ZMYM2: variants seen among roughly 807,000 people sequenced by gnomAD.
ZMYM2 encodes zinc finger MYM-type protein 2.
A neutral mutation model predicts 162.8 loss-of-function variants in ZMYM2; 56 were observed. The observed-to-expected ratio is 0.34, with a 90% CI of 0.28 to 0.43. The LOEUF is 0.43. Among genes scored for constraint, ZMYM2 ranks in the 20% least tolerant of loss-of-function variants. The pLI is 1.00. For missense variants in ZMYM2, 1,275 were observed against 1,621.8 expected, an observed-to-expected ratio of 0.79 and a Z score of 3.67; for synonymous variants, 510 against 541.6, an observed-to-expected ratio of 0.94 and a Z score of 0.81.
intron 2 of ZMYM2, among the ~76,000 whole-genome samples, chr13:19,982,750 T>G (rs145683769): frequency 6.6e-6 from 1 of 152,352 alleles, no homozygotes; most frequent in East Asian, 1.9e-4. Flanking sequence ...GAATGTTAAC[T>G]GCAGTTTCAT....
At chr13:19,999,847 GA>G (rs2139852991) in intron 3 of ZMYM2, among the ~76,000 whole-genome samples, 1 of 152,294 alleles carries the variant, frequency 6.6e-6, no homozygotes, top group Non-Finnish European at 1.5e-5. Flanking sequence ...ACCCAGTCTG[GA>G]GTGCAGTGGT....
chr13:19,895,698 C>T, the ZMYM2 span, among the ~76,000 whole-genome samples: 1 of 151,788 alleles, frequency 6.6e-6, no homozygotes, highest in Non-Finnish European at 1.5e-5. Context: ...TTAAAGGCCC[C>T]ACCTCTCAAT....
chr13:19,924,890 T>G, the ZMYM2 span, among the ~76,000 whole-genome samples: 3 of 151,720 alleles, frequency 2.0e-5, no homozygotes, highest in Middle Eastern at 3.4e-3. Context: ...TTTTTTTTTT[T>G]TTTTTGTTTT....
the ZMYM2 span, among the ~76,000 whole-genome samples, chr13:19,907,834 T>C: frequency 7.0e-6 from 1 of 143,660 alleles, no homozygotes; most frequent in African/African-American, 2.6e-5. Context: ...GAAAAAAAGG[T>C]AAAGTCTATT....
intron 2 of ZMYM2, among the ~76,000 whole-genome samples, chr13:19,978,914 G>A (rs1379251003): frequency 2.0e-5 from 3 of 151,970 alleles, no homozygotes; most frequent in Non-Finnish European, 2.9e-5. Context: ...ATTTCATGTC[G>A]GGCAGGTCTG....
At chr13:19,884,739 G>A in the ZMYM2 span, among the ~76,000 whole-genome samples, 1 of 151,966 alleles carries the variant, frequency 6.6e-6, no homozygotes, top group African/African-American at 2.4e-5. Flanking sequence ...ACAAACTCTC[G>A]CGATAAATGT....
chr13:19,917,186 T>C, the ZMYM2 span, among the ~76,000 whole-genome samples: 16 of 152,108 alleles, frequency 1.1e-4, no homozygotes, highest in African/African-American at 3.9e-4. Context: ...ATGGTCTCAA[T>C]CTCCTGACCT....
the ZMYM2 span, among the ~76,000 whole-genome samples, chr13:19,916,571 A>T: frequency 1.3e-5 from 2 of 152,298 alleles, no homozygotes; most frequent in African/African-American, 2.4e-5. Context: ...AGGGACATGG[A>T]TGAAGCTGGA....
At chr13:20,036,063 T>C (rs562611281) in intron 11 of ZMYM2, among the ~76,000 whole-genome samples, 3 of 152,226 alleles carry the variant, frequency 2.0e-5, no homozygotes, top group African/African-American at 4.8e-5. Context: ...AAAGGATGAA[T>C]AGGATTTTAG....
chr13:20,063,995 C>T (rs1404002993), intron 18 of ZMYM2, among the ~76,000 whole-genome samples: 1 of 146,494 alleles, frequency 6.8e-6, no homozygotes, highest in African/African-American at 2.5e-5. Context: ...AAATTAAGTT[C>T]ACCTTCAAAG....
At chr13:19,926,080 C>A in the ZMYM2 span, among the ~76,000 whole-genome samples, 3 of 151,420 alleles carry the variant, frequency 2.0e-5, no homozygotes, top group Non-Finnish European at 4.4e-5. Flanking sequence ...CCCCTCTCAG[C>A]CTCCCGAGTA....
At chr13:19,885,943 A>G in the ZMYM2 span, among the ~76,000 whole-genome samples, 16,125 of 23,986 alleles carry the variant, frequency 0.67, 7,353 homozygotes, top group East Asian at 0.89. Flanking sequence ...ACACATATAT[A>G]TGTATATACA....
At chr13:19,889,198 T>A in the ZMYM2 span, among the ~76,000 whole-genome samples, 2 of 151,974 alleles carry the variant, frequency 1.3e-5, no homozygotes, top group East Asian at 3.8e-4. Context: ...TCTCCCAGCC[T>A]ATTCATATCT....
At chr13:19,964,585 A>G (rs1198022704) in intron 2 of ZMYM2, among the ~76,000 whole-genome samples, 2 of 151,874 alleles carry the variant, frequency 1.3e-5, no homozygotes, top group East Asian at 3.9e-4. Context: ...GTTTTTAAAA[A>G]CTTTTGCACG....
At chr13:20,025,290 G>A in intron 7 of ZMYM2, 1 of 199,478 alleles carries the variant, frequency 5.0e-6, no homozygotes, top group Non-Finnish European at 1.0e-5. Flanking sequence ...CAATTATTTT[G>A]CAACGTGATT....
chr13:19,909,221 A>G, the ZMYM2 span, among the ~76,000 whole-genome samples: 3 of 152,140 alleles, frequency 2.0e-5, no homozygotes, highest in Non-Finnish European at 4.4e-5. Flanking sequence ...ATGCATGAAA[A>G]TATATGCATT....
chr13:19,914,663 T>C, the ZMYM2 span, among the ~76,000 whole-genome samples: 304 of 152,340 alleles, frequency 2.0e-3, 1 homozygote, highest in Middle Eastern at 3.4e-3. Context: ...CATCTGTGCA[T>C]TTACGTAGTG....
intron 21 of ZMYM2, chr13:20,068,269 T>C (rs1956827990): frequency 5.6e-6 from 1 of 179,130 alleles, no homozygotes; most frequent in Admixed American, 6.3e-5. Flanking sequence ...GCTTAGATGA[T>C]AATATAGGTC....
chr13:20,015,950 C>A (rs1168384732), intron 6 of ZMYM2, among the ~76,000 whole-genome samples: 1 of 151,808 alleles, frequency 6.6e-6, no homozygotes, highest in African/African-American at 2.4e-5. Flanking sequence ...CAGAAATTGA[C>A]AGAATAGGAA....
Sources: allele counts gnomAD v4.1 joint callset (sites outside exome capture counted in the v4.1 genomes callset), GRCh38; gene constraint gnomAD v4.1.1; transcripts MANE v1.5; gene names NCBI Gene and HGNC (gene_info 2026-07-23, HGNC 2026-07-21).